The following NRXN3 variants were observed in gnomAD, a reference collection of about 807,000 sequenced individuals.
NRXN3 encodes the protein neurexin 3, also known as neurexin III.
NRXN3 carries 32 observed loss-of-function variants against 137.6 expected under a neutral mutation model. That is an observed-to-expected ratio of 0.23 (90% confidence interval 0.18 to 0.31). NRXN3 has a LOEUF of 0.31. Ranked by LOEUF, NRXN3 falls within the 10% of genes least tolerant of loss-of-function variation. NRXN3 has a pLI of 1.00. For missense variants in NRXN3, 1,574 were observed against 2,062.5 expected (o/e 0.76, Z 4.59); for synonymous variants, 798 against 784.5 (o/e 1.02, Z -0.29).
intron 8 of NRXN3, among the ~76,000 whole-genome samples, chr14:78,725,129 T>C (rs2098477307): frequency 6.6e-6 from 1 of 152,342 alleles, no homozygotes; most frequent in East Asian, 1.9e-4. Flanking sequence ...GCGATTAGCA[T>C]GTTCCCCCTC....
intron 2 of NRXN3, chr14:78,250,054 G>A (rs779546477): frequency 1.6e-5 from 8 of 513,178 alleles, no homozygotes; most frequent in African/African-American, 7.7e-5. Context: ...TGAAACCCTC[G>A]CAACCACTCT....
chr14:79,670,035 G>A (rs745411346), intron 17 of NRXN3, among the ~76,000 whole-genome samples: 1 of 152,000 alleles, frequency 6.6e-6, no homozygotes, highest in African/African-American at 2.4e-5. Context: ...AGTGTGGCTG[G>A]TATGACGGAG....
At chr14:78,368,722 G>C (rs2086370411) in intron 4 of NRXN3, among the ~76,000 whole-genome samples, 1 of 152,102 alleles carries the variant, frequency 6.6e-6, no homozygotes, top group Non-Finnish European at 1.5e-5. Flanking sequence ...AAAAACTGGA[G>C]ATGTAAAAAT....
At chr14:78,500,081 C>T (rs761618953) in intron 4 of NRXN3, among the ~76,000 whole-genome samples, 1 of 152,150 alleles carries the variant, frequency 6.6e-6, no homozygotes, top group South Asian at 2.1e-4. Context: ...CATAGCATGC[C>T]TGACCTGTGG....
intron 4 of NRXN3, among the ~76,000 whole-genome samples, chr14:78,481,818 C>A (rs908435221): frequency 1.3e-5 from 2 of 152,114 alleles, no homozygotes; most frequent in Admixed American, 1.3e-4. Context: ...AGTCATCTGG[C>A]ATTTTGCTTA....
chr14:79,111,979 C>T (rs1008646591), intron 15 of NRXN3, among the ~76,000 whole-genome samples: 2 of 152,110 alleles, frequency 1.3e-5, no homozygotes, highest in African/African-American at 4.8e-5. Flanking sequence ...AAGTTAACTA[C>T]TCAAAACTTT....
At chr14:78,472,850 A>G (rs1404025864) in intron 4 of NRXN3, among the ~76,000 whole-genome samples, 2 of 152,062 alleles carry the variant, frequency 1.3e-5, no homozygotes, top group Non-Finnish European at 2.9e-5. Flanking sequence ...TTCTCTAAAC[A>G]ATAGGTGACT....
chr14:79,127,541 G>A (rs1335712005), intron 15 of NRXN3, among the ~76,000 whole-genome samples: 7 of 152,194 alleles, frequency 4.6e-5, no homozygotes, highest in Non-Finnish European at 1.0e-4. Context: ...CTATAACTCT[G>A]TTTTGGTACC....
intron 16 of NRXN3, among the ~76,000 whole-genome samples, chr14:79,479,817 G>A (rs1362155057): frequency 2.0e-5 from 3 of 152,056 alleles, no homozygotes; most frequent in African/African-American, 7.2e-5. Context: ...GATTGGCCTG[G>A]AGACTAATCT....
intron 1 of NRXN3, among the ~76,000 whole-genome samples, chr14:78,235,084 C>T (rs1355459968): frequency 7.5e-6 from 1 of 132,748 alleles, no homozygotes; most frequent in Non-Finnish European, 1.7e-5. Flanking sequence ...TTTCTCAATT[C>T]TTGTTTACTA....
chr14:79,686,391 T>A (rs542558753), intron 17 of NRXN3, among the ~76,000 whole-genome samples: 6 of 151,972 alleles, frequency 3.9e-5, no homozygotes, highest in African/African-American at 7.3e-5. Flanking sequence ...CTGACTCCCA[T>A]CCCCCTGCTG....
chr14:78,718,480 C>A (rs1486123670), intron 8 of NRXN3, among the ~76,000 whole-genome samples: 1 of 152,122 alleles, frequency 6.6e-6, no homozygotes, highest in African/African-American at 2.4e-5. Context: ...ATCTAAGAGA[C>A]AATTCCTGGA....
intron 19 of NRXN3, among the ~76,000 whole-genome samples, chr14:79,709,354 A>G (rs2098794242): frequency 6.6e-6 from 1 of 152,182 alleles, no homozygotes; most frequent in African/African-American, 2.4e-5. Context: ...TGTAAGTGAA[A>G]GGGTGGATAC....
At chr14:78,574,387 T>G (rs1284403791) in intron 4 of NRXN3, among the ~76,000 whole-genome samples, 2 of 152,186 alleles carry the variant, frequency 1.3e-5, no homozygotes, top group Admixed American at 6.5e-5. Flanking sequence ...TTGGAAAAGC[T>G]GCAGGGACTC....
chr14:78,602,956 AG>A, intron 4 of NRXN3, among the ~76,000 whole-genome samples: 1 of 152,238 alleles, frequency 6.6e-6, no homozygotes, highest in African/African-American at 2.4e-5. Context: ...AGGAGCCTGC[AG>A]GCCTGTTCTG....
At chr14:79,453,521 T>G (rs1262419637) in intron 15 of NRXN3, among the ~76,000 whole-genome samples, 1 of 152,178 alleles carries the variant, frequency 6.6e-6, no homozygotes, top group Non-Finnish European at 1.5e-5. Flanking sequence ...TTACATAGTC[T>G]TGCAGGTCTT....
intron 1 of NRXN3, chr14:78,178,046 C>T (rs1378344886): frequency 6.6e-6 from 1 of 152,260 alleles, no homozygotes; most frequent in African/African-American, 2.4e-5. Context: ...GAGGTGGGTA[C>T]TGTTATCATC....
chr14:78,355,978 G>C (rs1230100313), intron 4 of NRXN3, among the ~76,000 whole-genome samples: 1 of 152,194 alleles, frequency 6.6e-6, no homozygotes, highest in Non-Finnish European at 1.5e-5. Context: ...CTAAGTCTGA[G>C]GGCAACTTTA....
At chr14:78,232,478 G>A (rs1335771197) in intron 1 of NRXN3, among the ~76,000 whole-genome samples, 1 of 152,042 alleles carries the variant, frequency 6.6e-6, no homozygotes, top group Non-Finnish European at 1.5e-5. Flanking sequence ...GGAGAGAGTT[G>A]GCTAGGAGAA....
Sources: allele counts gnomAD v4.1 joint callset (sites outside exome capture counted in the v4.1 genomes callset), GRCh38; gene constraint gnomAD v4.1.1; transcripts MANE v1.5; gene names NCBI Gene and HGNC (gene_info 2026-07-23, HGNC 2026-07-21).